Variants in CFAP47 observed in about 807,000 individuals in gnomAD.
The protein encoded by CFAP47 is cilia and flagella associated protein 47.
CFAP47 carries 29 observed loss-of-function variants against 148.1 expected under a neutral mutation model. The ratio of observed to expected loss-of-function variants is 0.20; its 90% CI spans 0.15 to 0.27. The LOEUF (loss-of-function observed/expected upper bound fraction) is 0.27, where lower values mean the gene tolerates loss of function less well. Among genes scored for constraint, CFAP47 ranks in the 10% least tolerant of loss-of-function variants. The pLI, the probability that CFAP47 is intolerant of heterozygous loss-of-function variation, is 1.00. For missense variants in CFAP47, 1,872 were observed against 1,697.5 expected, an observed-to-expected ratio of 1.10 and a Z score of -1.81; for synonymous variants, 664 against 577.3, an observed-to-expected ratio of 1.15 and a Z score of -2.15.
chrX:36,318,283 C>A, intron 56 of CFAP47, among the ~76,000 whole-genome samples: 1 of 112,311 alleles, frequency 8.9e-6, no homozygotes. Flanking sequence ...TAGAGCTTAT[C>A]TTTTTAATAG....
intron 62 of CFAP47, among the ~76,000 whole-genome samples, chrX:36,371,712 GTGTGTATATACACACATGTGTGTA>G (rs1941948420): frequency 1.8e-5 from 1 of 57,075 alleles, no homozygotes. Context: ...GTGTATATAT[GTGTGTATATACACACATGTGTGTA>G]TATATGTGTG....
chrX:36,039,477 C>T (rs996201183), intron 25 of CFAP47, among the ~76,000 whole-genome samples: 1 of 112,090 alleles, frequency 8.9e-6, no homozygotes, highest in African/African-American at 3.2e-5. Context: ...TTATCACAAA[C>T]GTGGTGCCTT....
rs1371810010 is a variant in CFAP47, at chrX:36,174,397, G to A, written c.6027-4948G>A. Among the ~76,000 whole-genome samples the A allele has an allele frequency of 7.7e-3, 839 of 108,699 alleles. 4 individuals are homozygous for A. The highest frequency in any genetic ancestry group is 0.022 in the African/African-American group (642 of 29,677). The allele number at this position is 108,699 out of a possible 115,157, so 94.4% of individuals were successfully genotyped here. A position where few individuals can be genotyped will look rare whatever the true frequency, so the allele number is the denominator to read the frequency against. ...GTTGATGCAGTTTCTTCCTAGTCTC[G>A]ATGGTCTTTACATTTTGGCATGATT... On this transcript the variant is annotated intron_variant, in intron 39 of 63. Transcript: ENST00000378653.
At chrX:35,993,584 C>T (rs1297931373) in intron 18 of CFAP47, among the ~76,000 whole-genome samples, 2 of 111,659 alleles carry the variant, frequency 1.8e-5, no homozygotes, top group African/African-American at 6.5e-5. Flanking sequence ...TAAAAAAGCA[C>T]TTAGCTTTAT....
At chrX:35,960,380 G>GGAAAAAAAAAAAAAA (rs1227681980) in intron 8 of CFAP47, among the ~76,000 whole-genome samples, 2 of 15,489 alleles carry the variant, frequency 1.3e-4, no homozygotes, top group African/African-American at 5.2e-4. Context: ...GCTAATTTCT[G>GGAAAAAAAAAAAAAA]AAAAAAAAAA....
intron 16 of CFAP47, 77 bp downstream of exon 16, chrX:35,989,526 C>T (rs914711950): frequency 1.5e-5 from 18 of 1,205,575 alleles, no homozygotes; most frequent in Non-Finnish European, 1.9e-5. Context: ...TATATAGTTA[C>T]CTATATCTAG....
intron 62 of CFAP47, among the ~76,000 whole-genome samples, chrX:36,375,824 G>A (rs781808030): frequency 8.9e-6 from 1 of 112,286 alleles, no homozygotes; most frequent in South Asian, 3.7e-4. Flanking sequence ...TAAGTGTGGT[G>A]ACATGCAGTA....
At position 36,319,194 on chromosome X, in the gene CFAP47, T is replaced by C; in HGVS notation, c.8345-15T>C. ...TGTGACATTGAAGTGTAATATCTCT[T>C]TATTTTTTAATTAGGTGTGGAACAT... On this transcript the variant is annotated splice_polypyrimidine_tract_variant and intron_variant, in intron 56 of 63. Coordinates refer to ENST00000378653, the MANE Select transcript of CFAP47 (RefSeq NM_001304548.2). 1.0e-6 allele frequency: 1 copy of C among 967,124 alleles called. No individual in the cohort carries two copies. Among genetic ancestry groups the C allele is most frequent in the Non-Finnish European group, 1.4e-6 (1 of 707,211 alleles). 79.7% of individuals were successfully genotyped at this position (967,124 alleles called of 1,213,427 possible).
At chrX:35,996,653 A>G (rs1321166813) in intron 18 of CFAP47, among the ~76,000 whole-genome samples, 1 of 111,698 alleles carries the variant, frequency 9.0e-6, no homozygotes, top group Non-Finnish European at 1.9e-5. Context: ...ATACAACTAA[A>G]TTCTTAATTT....
intron 61 of CFAP47, 28 bp downstream of exon 61, chrX:36,361,529 A>G (rs1009015763): frequency 2.7e-6 from 2 of 733,873 alleles, no homozygotes; most frequent in Middle Eastern, 4.4e-4. Flanking sequence ...TTTTTTATTT[A>G]AACAATAGTA....
intron 51 of CFAP47, among the ~76,000 whole-genome samples, chrX:36,298,503 TA>T (rs1941266059): frequency 9.3e-6 from 1 of 108,083 alleles, no homozygotes. Flanking sequence ...GGCACATGTA[TA>T]CATATGTAAC....
At chrX:36,225,705 G>A (rs1555991409) in intron 45 of CFAP47, among the ~76,000 whole-genome samples, 1 of 111,375 alleles carries the variant, frequency 9.0e-6, no homozygotes, top group African/African-American at 3.3e-5. Context: ...ATAGAGATCT[G>A]TCCCATTGGG....
In CFAP47 at chrX:36,319,294, G is replaced by A. The variant is rs1157439938; in HGVS notation, c.8430G>A (p.Pro2810=). ...GTTCTGCCTTCAGATTTAGTTCTCCGAGTGAAATACAAGGTACAGGATTTC... is the reference window on the plus strand; with the variant it reads ...GTTCTGCCTTCAGATTTAGTTCTCCAAGTGAAATACAAGGTACAGGATTTC... The part of the protein sequence containing the change: ...YESSAFRFSS[P]SEIQGIALPP... Residue 2810 remains proline, a synonymous_variant, in exon 57 of 64, where the codon CCG becomes CCA. Coordinates refer to ENST00000378653, the MANE Select transcript of CFAP47 (RefSeq NM_001304548.2). 9 of 1,045,874 alleles carry A rather than the reference G, an allele frequency of 8.6e-6. No homozygotes were observed. The highest frequency in any genetic ancestry group is 2.2e-5 in the South Asian group (1 of 45,394). The allele number at this position is 1,045,874 out of a possible 1,213,427, so 86.2% of individuals were successfully genotyped here.
chrX:36,151,055 AT>A (rs1022483338), intron 37 of CFAP47, among the ~76,000 whole-genome samples: 5 of 111,909 alleles, frequency 4.5e-5, no homozygotes, highest in African/African-American at 1.6e-4. Flanking sequence ...TTTCTCCTGC[AT>A]TTTTTCCACT....
chrX:36,017,378 C>A (rs1405554953), intron 22 of CFAP47, among the ~76,000 whole-genome samples: 1 of 111,801 alleles, frequency 8.9e-6, no homozygotes, highest in Admixed American at 9.5e-5. Flanking sequence ...TGCACAGAAG[C>A]TTTTTAAATT....
Position 36,384,993 on chromosome X carries a change from T to C in CFAP47, c.9551T>C (p.Val3184Ala). 1 of 1,155,029 alleles carries C rather than the reference T, an allele frequency of 8.7e-7. No homozygotes were observed. Residue 3184 changes from valine to alanine, a missense_variant, in exon 64 of 64, where the codon GTG becomes GCG. By Grantham distance (64) the Val-to-Ala change is moderately conservative. Transcript: ENST00000378653. ...TCCACCATCAAGGGTGCTCCTTTGGTGAAGAATCAATAAAATTTTTTTCCA... is the reference window on the plus strand; with the variant it reads ...TCCACCATCAAGGGTGCTCCTTTGGCGAAGAATCAATAAAATTTTTTTCCA... ...VSSTIKGAPL[V>A]KNQ
chrX:36,212,213 G>C (rs1041408165), intron 45 of CFAP47, among the ~76,000 whole-genome samples: 1 of 112,168 alleles, frequency 8.9e-6, no homozygotes, highest in African/African-American at 3.2e-5. Flanking sequence ...ATTGACCATA[G>C]ATACATAGTT....
At chrX:36,322,493 C>T (rs1941486334) in intron 57 of CFAP47, among the ~76,000 whole-genome samples, 1 of 110,584 alleles carries the variant, frequency 9.0e-6, no homozygotes, top group Admixed American at 9.7e-5. Context: ...ATTTACAAAA[C>T]AAAAATATAA....
At chrX:36,146,406 T>C (rs1223791777) in intron 36 of CFAP47, among the ~76,000 whole-genome samples, 3 of 112,081 alleles carry the variant, frequency 2.7e-5, no homozygotes, top group African/African-American at 9.7e-5. Context: ...CATGTTTAAA[T>C]AGAACACGAT....
Sources: gnomAD v4.1 joint callset for allele counts (sites outside exome capture counted in the v4.1 genomes callset) on GRCh38, gnomAD v4.1.1 for gene constraint, MANE v1.5 for transcripts, NCBI Gene and HGNC (gene_info 2026-07-23, HGNC 2026-07-21) for gene names.